Variants in MAP3K21 observed in about 807,000 individuals in gnomAD.
MAP3K21 encodes the protein mitogen-activated protein kinase kinase kinase 21, also known as mitogen-activated protein kinase kinase kinase MLK4.
Under a neutral mutation model 86.1 loss-of-function variants are expected in MAP3K21, and 63 were observed. That is an observed-to-expected ratio of 0.73 (90% CI 0.60 to 0.90). The LOEUF is 0.90. MAP3K21 is among the 40% of genes least tolerant of loss of function. MAP3K21 has a pLI of 0.00. For synonymous variants in MAP3K21, 558 were observed against 564.8 expected, an observed-to-expected ratio of 0.99 and a Z score of 0.17; for missense variants, 1,220 against 1,367.7, an observed-to-expected ratio of 0.89 and a Z score of 1.70.
chr1:233,343,928 C>G (rs1663085474), intron 1 of MAP3K21, among the ~76,000 whole-genome samples: 1 of 152,206 alleles, frequency 6.6e-6, no homozygotes, highest in Admixed American at 6.5e-5. Context: ...ACCCTCTCCT[C>G]TTTCTATAGA....
At chr1:233,342,602 G>T (rs1427175620) in intron 1 of MAP3K21, among the ~76,000 whole-genome samples, 1 of 152,170 alleles carries the variant, frequency 6.6e-6, no homozygotes, top group Non-Finnish European at 1.5e-5. Flanking sequence ...TAGGTAAAAA[G>T]ATAACTGACA....
chr1:233,351,616 C>T (rs1264640506), intron 2 of MAP3K21, among the ~76,000 whole-genome samples: 2 of 151,494 alleles, frequency 1.3e-5, no homozygotes, highest in Non-Finnish European at 2.9e-5. Flanking sequence ...ATCACTTGAA[C>T]CCAGGAGGTG....
At chr1:233,337,915 G>T (rs923938628) in intron 1 of MAP3K21, among the ~76,000 whole-genome samples, 4 of 152,162 alleles carry the variant, frequency 2.6e-5, no homozygotes, top group African/African-American at 9.7e-5. Flanking sequence ...TGAAGATTTG[G>T]CTTCACGTGA....
At chr1:233,358,163 C>A (rs1039261005) in intron 4 of MAP3K21, among the ~76,000 whole-genome samples, 1 of 151,898 alleles carries the variant, frequency 6.6e-6, no homozygotes, top group Non-Finnish European at 1.5e-5. Context: ...TCACTGTAAC[C>A]CTGTGTCCCT....
At chr1:233,332,174 C>T (rs1328009616) in intron 1 of MAP3K21, among the ~76,000 whole-genome samples, 1 of 152,072 alleles carries the variant, frequency 6.6e-6, no homozygotes, top group Non-Finnish European at 1.5e-5. Context: ...CACTGGCAAG[C>T]CAGACATCAA....
At position 233,353,855 on chromosome 1, in the gene MAP3K21, G is replaced by C; in HGVS notation, c.1035G>C (p.Arg345=). 1 of 1,612,424 alleles carries C rather than the reference G, an allele frequency of 6.2e-7. No homozygotes were observed. The highest frequency in any genetic ancestry group is 8.5e-7 in the Non-Finnish European group (1 of 1,179,370). Residue 345 remains arginine (R), a synonymous_variant, in exon 3 of 10, where the codon CGG becomes CGC. Transcript: ENST00000366624. ...WELLTGEVPY[R]GIDGLAVAYG... The stretch of plus-strand genomic sequence containing the variant: ...TGCTCACCGGAGAAGTCCCCTATCG[G>C]GGCATTGATGGCCTCGCCGTGGCTT...
intron 5 of MAP3K21, among the ~76,000 whole-genome samples, chr1:233,363,977 G>A (rs1226639659): frequency 6.6e-6 from 1 of 151,942 alleles, no homozygotes; most frequent in African/African-American, 2.4e-5. Context: ...TTGTGCCATT[G>A]CACTCCAGCC....
Position 233,384,090 on chromosome 1 carries a change from T to C in MAP3K21, c.*1379T>C, listed in dbSNP as rs1385229200. 6.6e-6 allele frequency: 1 copy of C among 152,166 alleles called. No homozygotes were observed. The highest frequency in any genetic ancestry group is 1.9e-4 in the East Asian group (1 of 5,196). The allele number at this position is 152,166 out of a possible 1,614,324, so 9.4% of individuals were successfully genotyped here. On this transcript the variant is annotated 3_prime_UTR_variant, in exon 10 of 10. Coordinates refer to ENST00000366624, the MANE Select transcript of MAP3K21 (RefSeq NM_032435.3). ...AGAAGACAGACAATCGACATTTAAA[T>C]TTTTCCAAACAATGAAAAACTAAAT... is the stretch of plus-strand genomic sequence containing the variant.
chr1:233,370,959 G>A (rs919741944), intron 5 of MAP3K21, among the ~76,000 whole-genome samples: 3 of 152,166 alleles, frequency 2.0e-5, no homozygotes, highest in African/African-American at 7.2e-5. Context: ...CTTAAGCTCA[G>A]CTCTGCACTG....
chr1:233,355,264 G>A (rs4649221), intron 4 of MAP3K21, among the ~76,000 whole-genome samples: 41,938 of 151,766 alleles, frequency 0.28, 6,023 homozygotes, highest in Admixed American at 0.34. Context: ...ATAGCATAAT[G>A]GACACTTTGT....
At chr1:233,339,255 CT>C (rs879811219) in intron 1 of MAP3K21, among the ~76,000 whole-genome samples, 801 of 63,318 alleles carry the variant, frequency 0.013, 33 homozygotes, top group Non-Finnish European at 0.019. Context: ...TCTTCTTCTT[CT>C]TCTTCTTCTT....
chr1:233,328,869 C>A lies in MAP3K21; in HGVS notation c.805+36C>A. On this transcript the variant is annotated intron_variant, in intron 1 of 9. Coordinates refer to ENST00000366624, the MANE Select transcript of MAP3K21 (RefSeq NM_032435.3). This position sits in a 1 kb window ranked among gnomAD's most constrained non-coding sequence, Gnocchi z 8.7. Reference sequence around the variant, plus strand: ...CCAGAGGGAGGTGGGGGAAGACTACCTCCGTGCCAGCCCAGGCGGGCTCCA... The same window carrying A: ...CCAGAGGGAGGTGGGGGAAGACTACATCCGTGCCAGCCCAGGCGGGCTCCA... The A allele has an allele frequency of 6.9e-7, 1 of 1,459,232 alleles. No homozygotes were observed. The allele number at this position is 1,459,232 out of a possible 1,614,324, so 90.4% of individuals were successfully genotyped here.
intron 4 of MAP3K21, among the ~76,000 whole-genome samples, chr1:233,359,836 G>C (rs892624091): frequency 8.5e-5 from 13 of 152,122 alleles, no homozygotes; most frequent in Non-Finnish European, 1.6e-4. Context: ...GTATTCAAAG[G>C]GTTCTAATAC....
At chr1:233,341,127 T>C (rs1185999359) in intron 1 of MAP3K21, among the ~76,000 whole-genome samples, 5 of 152,116 alleles carry the variant, frequency 3.3e-5, no homozygotes, top group African/African-American at 1.2e-4. Flanking sequence ...CAGGAAAGGG[T>C]GCTCAAACAG....
At chr1:233,372,562 A>T (rs1049733711) in intron 6 of MAP3K21, 8 of 204,548 alleles carry the variant, frequency 3.9e-5, no homozygotes, top group Non-Finnish European at 6.8e-5. Flanking sequence ...CGTGAGGGGA[A>T]AAAATTTTTG....
At chr1:233,375,779 T>A in intron 6 of MAP3K21, 137 bp from the exon 7 acceptor site, 1 of 629,734 alleles carries the variant, frequency 1.6e-6, no homozygotes, top group Non-Finnish European at 2.7e-6. Context: ...TTGGGTGAAA[T>A]AAATAATTTT....
At chr1:233,339,195 TTTCTTCTTCTTCTTCTTCTTCTTCTTC>T (rs71173272) in intron 1 of MAP3K21, among the ~76,000 whole-genome samples, 3 of 115,370 alleles carry the variant, frequency 2.6e-5, no homozygotes, top group South Asian at 2.8e-4. Flanking sequence ...AAAACAATCA[TTTCTTCTTCTTCTTCTTCTTCTTCTTC>T]TTCTTCTTCT....
chr1:233,343,949 TAGAGG>T (rs1663085867), intron 1 of MAP3K21, among the ~76,000 whole-genome samples: 1 of 152,140 alleles, frequency 6.6e-6, no homozygotes, highest in Non-Finnish European at 1.5e-5. Flanking sequence ...AGGGATTAGC[TAGAGG>T]AGAGGGTGGC....
intron 2 of MAP3K21, among the ~76,000 whole-genome samples, chr1:233,350,680 C>G (rs1479866616): frequency 1.3e-5 from 2 of 151,988 alleles, no homozygotes; most frequent in African/African-American, 4.8e-5. Context: ...CTCTTATTAT[C>G]CTGGTTTTGC....
Sources: allele counts gnomAD v4.1 joint callset (sites outside exome capture counted in the v4.1 genomes callset), GRCh38; gene constraint gnomAD v4.1.1; non-coding constraint Gnocchi (gnomAD v3.1); transcripts MANE v1.5; gene names NCBI Gene and HGNC (gene_info 2026-07-23, HGNC 2026-07-21).